Variants in CNTNAP4 observed in about 807,000 individuals in gnomAD.
CNTNAP4 encodes the protein contactin associated protein family member 4.
In CNTNAP4, 98 loss-of-function variants were observed where a neutral mutation model predicts 148.4. The ratio of observed to expected loss-of-function variants is 0.66; its 90% CI spans 0.56 to 0.78. CNTNAP4 has a LOEUF of 0.78. Ranked by LOEUF, CNTNAP4 falls within the 30% of genes least tolerant of loss-of-function variation. CNTNAP4 has a pLI of 0.00. For missense variants in CNTNAP4, 1,935 were observed against 1,565.6 expected (o/e 1.24, Z -3.98); for synonymous variants, 730 against 565.1 (o/e 1.29, Z -4.14).
intron 2 of CNTNAP4, among the ~76,000 whole-genome samples, chr16:76,340,529 A>T (rs748183692): frequency 1.3e-5 from 2 of 151,956 alleles, no homozygotes; most frequent in Non-Finnish European, 2.9e-5. Context: ...CCAACATCTG[A>T]TTGCGCTCCC....
chr16:76,309,074 G>T (rs1160198671), intron 1 of CNTNAP4, among the ~76,000 whole-genome samples: 1 of 151,818 alleles, frequency 6.6e-6, no homozygotes, highest in African/African-American at 2.4e-5. Flanking sequence ...GAAAGTGCTG[G>T]GATTACAAGC....
chr16:76,484,645 G>C (rs555732394), intron 12 of CNTNAP4, among the ~76,000 whole-genome samples: 182 of 152,242 alleles, frequency 1.2e-3, no homozygotes, highest in African/African-American at 4.2e-3. Context: ...TTGCAAATAA[G>C]GAAACCAAGG....
intron 4 of CNTNAP4, among the ~76,000 whole-genome samples, chr16:76,439,000 CA>C (rs2079938414): frequency 6.6e-6 from 1 of 151,644 alleles, no homozygotes; most frequent in Non-Finnish European, 1.5e-5. Flanking sequence ...TTAAATAGAC[CA>C]ATTGTAATTG....
intron 3 of CNTNAP4, among the ~76,000 whole-genome samples, chr16:76,391,112 A>G (rs899877704): frequency 6.6e-6 from 1 of 152,062 alleles, no homozygotes; most frequent in Admixed American, 6.6e-5. Flanking sequence ...CTTTCTAACT[A>G]TGGTTTTGTA....
intron 15 of CNTNAP4, among the ~76,000 whole-genome samples, chr16:76,504,995 A>G (rs1262887235): frequency 1.3e-5 from 2 of 152,200 alleles, no homozygotes; most frequent in African/African-American, 2.4e-5. Context: ...TAGAGCAACT[A>G]GAACTCTGGT....
At chr16:76,373,101 A>T (rs73625367) in intron 3 of CNTNAP4, among the ~76,000 whole-genome samples, 284 of 152,278 alleles carry the variant, frequency 1.9e-3, no homozygotes, top group African/African-American at 6.0e-3. Flanking sequence ...TATTCCACAT[A>T]AATATGTGAA....
chr16:76,485,728 T>C (rs956730284), intron 12 of CNTNAP4, among the ~76,000 whole-genome samples: 2 of 152,308 alleles, frequency 1.3e-5, no homozygotes, highest in East Asian at 3.9e-4. Flanking sequence ...AGGAGAAAGC[T>C]GGAGAGCATA....
At chr16:76,289,521 C>T (rs1326665953) in intron 1 of CNTNAP4, among the ~76,000 whole-genome samples, 1 of 133,890 alleles carries the variant, frequency 7.5e-6, no homozygotes, top group Non-Finnish European at 1.6e-5. Flanking sequence ...TTTTCATTGC[C>T]TTTAGCATTT....
chr16:76,474,059 A>G (rs1506812), intron 10 of CNTNAP4, among the ~76,000 whole-genome samples: 1 of 151,838 alleles, frequency 6.6e-6, no homozygotes, highest in African/African-American at 2.4e-5. Flanking sequence ...TAGACCTAAC[A>G]CTTTGATTTT....
chr16:76,464,252 A>C, intron 9 of CNTNAP4, among the ~76,000 whole-genome samples: 1 of 152,268 alleles, frequency 6.6e-6, no homozygotes, highest in African/African-American at 2.4e-5. Flanking sequence ...TTCTAAGTGG[A>C]CACATCATCT....
At chr16:76,520,433 C>T (rs1290158936) in intron 15 of CNTNAP4, among the ~76,000 whole-genome samples, 1 of 152,092 alleles carries the variant, frequency 6.6e-6, no homozygotes, top group Non-Finnish European at 1.5e-5. Flanking sequence ...ATTTATATCC[C>T]AACCTTTTCA....
At chr16:76,402,856 A>G (rs1330752512) in intron 3 of CNTNAP4, among the ~76,000 whole-genome samples, 1 of 151,362 alleles carries the variant, frequency 6.6e-6, no homozygotes, top group Non-Finnish European at 1.5e-5. Context: ...CATGGTTTTG[A>G]GCGATTTTTG....
chr16:76,551,374 G>A (rs143370863), intron 21 of CNTNAP4, among the ~76,000 whole-genome samples: 1,677 of 147,590 alleles, frequency 0.011, 18 homozygotes, highest in Non-Finnish European at 0.017. Flanking sequence ...CTCCAGCCTG[G>A]GTGACAGAGT....
chr16:76,422,440 G>A (rs1351366586), intron 3 of CNTNAP4, among the ~76,000 whole-genome samples: 1 of 152,138 alleles, frequency 6.6e-6, no homozygotes, highest in African/African-American at 2.4e-5. Flanking sequence ...GTCAGCTGGT[G>A]GAGCTGAGTC....
At chr16:76,522,633 CCTT>C (rs1370249038) in intron 17 of CNTNAP4, among the ~76,000 whole-genome samples, 1 of 121,040 alleles carries the variant, frequency 8.3e-6, no homozygotes, top group East Asian at 2.4e-4. Context: ...TTCCTTCCTT[CCTT>C]CTTTCTTTCT....
At chr16:76,497,251 AAT>A (rs1374602056) in intron 14 of CNTNAP4, among the ~76,000 whole-genome samples, 2 of 152,304 alleles carry the variant, frequency 1.3e-5, no homozygotes, top group Non-Finnish European at 1.5e-5. Context: ...TAGATAAAAG[AAT>A]ATGTGTGTGG....
At chr16:76,307,737 C>G (rs901662595) in intron 1 of CNTNAP4, among the ~76,000 whole-genome samples, 3 of 152,008 alleles carry the variant, frequency 2.0e-5, no homozygotes, top group African/African-American at 7.2e-5. Flanking sequence ...TTTGATTGGT[C>G]TCTTTGTCTT....
At chr16:76,392,821 A>G (rs1002912147) in intron 3 of CNTNAP4, among the ~76,000 whole-genome samples, 5 of 152,172 alleles carry the variant, frequency 3.3e-5, no homozygotes, top group Non-Finnish European at 5.9e-5. Context: ...TCTTGTGCAA[A>G]GATGTCCCGA....
At chr16:76,304,454 C>T (rs74535013) in intron 1 of CNTNAP4, among the ~76,000 whole-genome samples, 8,500 of 152,092 alleles carry the variant, frequency 0.056, 322 homozygotes, top group Middle Eastern at 0.1. Context: ...GTTGAGGGCT[C>T]TCAAGAGGTG....
Sources: allele counts gnomAD v4.1 joint callset (sites outside exome capture counted in the v4.1 genomes callset), GRCh38; gene constraint gnomAD v4.1.1; transcripts MANE v1.5; gene names NCBI Gene and HGNC (gene_info 2026-07-23, HGNC 2026-07-21).